CRISPLD1: variants seen among roughly 807,000 people sequenced by gnomAD.
The protein encoded by CRISPLD1 is cysteine-rich secretory protein LCCL domain-containing 1.
A neutral mutation model predicts 77.5 loss-of-function variants in CRISPLD1; 60 were observed. The ratio of observed to expected loss-of-function variants is 0.77; its 90% CI spans 0.63 to 0.96. The LOEUF is 0.96. Ranked by LOEUF, CRISPLD1 falls within the 40% of genes least tolerant of loss-of-function variation. The pLI is 0.00. For synonymous variants in CRISPLD1, 195 were observed against 200.1 expected (o/e 0.97, Z 0.22); for missense variants, 623 against 615.8 (o/e 1.01, Z -0.12).
chr8:75,012,585 A>C (rs12115090), intron 3 of CRISPLD1, 34 bp downstream of exon 3: 454,581 of 1,383,952 alleles, frequency 0.33, 82,273 homozygotes, highest in African/African-American at 0.75. Context: ...TTTATGAAAA[A>C]ATAAGTGTTT....
In CRISPLD1 at chr8:74,990,901, T is replaced by C. The variant is rs551995197; in HGVS notation, c.258+4656T>C. 2.6e-5 allele frequency among the ~76,000 whole-genome samples: 4 copies of C among 152,234 alleles called. No individual in the cohort carries two copies. The South Asian group carries it at 8.3e-4, about 32-fold the overall frequency. On this transcript the variant is annotated intron_variant, in intron 2 of 14. Coordinates refer to ENST00000262207, the MANE Select transcript of CRISPLD1 (RefSeq NM_031461.6). ...TTGTGTAGGTTCTGTCTCAAATGTC[T>C]TTCGAATCCCTCTCTTCTATTTCAT...
chr8:75,011,581 C>T (rs1457732662), intron 2 of CRISPLD1, among the ~76,000 whole-genome samples: 1 of 151,940 alleles, frequency 6.6e-6, no homozygotes, highest in Non-Finnish European at 1.5e-5. Flanking sequence ...GAATACTAAA[C>T]CCAGGACTTG....
intron 12 of CRISPLD1, among the ~76,000 whole-genome samples, chr8:75,021,760 A>G (rs1321862955): frequency 2.0e-5 from 3 of 152,204 alleles, no homozygotes; most frequent in Admixed American, 6.5e-5. Flanking sequence ...TTTATAGAAA[A>G]AAGTAAAGAT....
intron 2 of CRISPLD1, among the ~76,000 whole-genome samples, chr8:75,006,230 T>C (rs1446757940): frequency 6.6e-6 from 1 of 152,190 alleles, no homozygotes; most frequent in Non-Finnish European, 1.5e-5. Flanking sequence ...TTGTGAATTA[T>C]ATCATGGGCC....
intron 6 of CRISPLD1, 99 bp from the exon 7 acceptor site, chr8:75,016,466 T>G: frequency 8.3e-7 from 1 of 1,208,628 alleles, no homozygotes. Context: ...TTTTTCTAGT[T>G]CTAAATGTTA....
chr8:75,015,440 T>C (rs1158194880), intron 6 of CRISPLD1, among the ~76,000 whole-genome samples: 1 of 152,124 alleles, frequency 6.6e-6, no homozygotes, highest in Admixed American at 6.6e-5. Context: ...ATAAAAGTAG[T>C]ACTGTCAAAT....
At position 75,014,004 on chromosome 8, in the gene CRISPLD1, T is replaced by A; in HGVS notation, c.528T>A (p.Ser176Arg). Residue 176 changes from serine (S) to arginine (R), a missense_variant, in exon 5 of 15, where the codon AGT becomes AGA. Ser to Arg is a moderately radical substitution (Grantham distance 110). Transcript: ENST00000262207. ...TAACATAGGTCGTGTGGGCAACTAG[T>A]AACAGAATCGGTTGTGCCATTAATT... ...THYTQVVWATSNRIGCAINLC... is the reference protein window; with the variant it reads ...THYTQVVWATRNRIGCAINLC... 1 of 1,612,856 alleles carries A rather than the reference T, an allele frequency of 6.2e-7. No homozygotes were observed. Among genetic ancestry groups the A allele is most frequent in the Non-Finnish European group, 8.5e-7 (1 of 1,179,126 alleles).
intron 10 of CRISPLD1, 61 bp from the exon 11 acceptor site, chr8:75,019,809 A>G: frequency 7.5e-7 from 1 of 1,337,150 alleles, no homozygotes; most frequent in East Asian, 2.3e-5. Flanking sequence ...AGATACCAGA[A>G]ATGATGCTGC....
rs1224110510 is a variant in CRISPLD1, at chr8:75,033,045, T to C, written c.*803T>C. ...GGCCAGGAAGTATAATAGCAAAAAG[T>C]TGAACAAAGATGAACTAATGTATTA... On this transcript the variant is annotated 3_prime_UTR_variant, in exon 15 of 15. Coordinates refer to ENST00000262207, the MANE Select transcript of CRISPLD1 (RefSeq NM_031461.6). The C allele has an allele frequency of 6.6e-6, 1 of 152,290 alleles. No homozygotes were observed. The highest frequency in any genetic ancestry group is 1.5e-5 in the Non-Finnish European group (1 of 67,818). The allele number at this position is 152,290 out of a possible 1,614,324, so 9.4% of individuals were successfully genotyped here.
At chr8:75,024,948 A>G (rs915145526) in intron 12 of CRISPLD1, among the ~76,000 whole-genome samples, 1 of 152,202 alleles carries the variant, frequency 6.6e-6, no homozygotes, top group Non-Finnish European at 1.5e-5. Flanking sequence ...AAAGAAACAG[A>G]TTTGGGAACT....
intron 2 of CRISPLD1, among the ~76,000 whole-genome samples, chr8:75,001,332 T>A (rs1393496179): frequency 6.6e-6 from 1 of 152,170 alleles, no homozygotes; most frequent in Admixed American, 6.5e-5. Flanking sequence ...CTTTCTGAGT[T>A]GCACTGGGTT....
At position 75,025,565 on chromosome 8, in the gene CRISPLD1, T is replaced by G. The variant is rs1335858654; in HGVS notation, c.1264T>G (p.Cys422Gly). 3.2e-6 allele frequency: 5 copies of G among 1,572,908 alleles called. No individual in the cohort carries two copies. In the South Asian group the frequency reaches 5.6e-5, roughly 18 times the overall value. ...HCPRVYCPRN[C>G]MQANPHYARV... ...TTTCAGAGTATACTGTCCTCGTAAC[T>G]GTATGCAAGCAAATCCACATTATGC... The change falls in exon 13 of 15, where the codon TGT becomes GGT. Residue 422 changes from cysteine (C) to glycine (G), a missense_variant. Cys to Gly is a radical substitution (Grantham distance 159, BLOSUM62 -3). Transcript: ENST00000262207.
intron 2 of CRISPLD1, among the ~76,000 whole-genome samples, chr8:75,004,256 T>C (rs1812792302): frequency 6.6e-6 from 1 of 152,150 alleles, no homozygotes; most frequent in Non-Finnish European, 1.5e-5. Context: ...ATTTTCCCTA[T>C]AACTACAAAG....
chr8:75,006,765 G>T (rs545860508), intron 2 of CRISPLD1, among the ~76,000 whole-genome samples: 1 of 151,808 alleles, frequency 6.6e-6, no homozygotes, highest in Non-Finnish European at 1.5e-5. Flanking sequence ...TGTCATCCTG[G>T]TCTCTGTGGT....
At chr8:74,985,821 A>G in intron 1 of CRISPLD1, 105 bp from the exon 2 acceptor site, 1 of 759,638 alleles carries the variant, frequency 1.3e-6, no homozygotes, top group Non-Finnish European at 2.1e-6. Context: ...TTAAATAGAC[A>G]AATCAAACTG....
At chr8:75,024,092 C>G (rs957996851) in intron 12 of CRISPLD1, among the ~76,000 whole-genome samples, 1 of 152,138 alleles carries the variant, frequency 6.6e-6, no homozygotes, top group African/African-American at 2.4e-5. Context: ...TGCAAAGGCT[C>G]TAAGGCAGAA....
At chr8:75,011,041 C>T (rs1015664359) in intron 2 of CRISPLD1, among the ~76,000 whole-genome samples, 2 of 151,846 alleles carry the variant, frequency 1.3e-5, no homozygotes, top group East Asian at 1.9e-4. Context: ...GTAGTATCAT[C>T]GGTCTTACCT....
At position 75,002,262 on chromosome 8, in the gene CRISPLD1, A is replaced by G. The variant is rs112313359; in HGVS notation, c.259-10171A>G. Reference sequence around the variant, plus strand: ...ATTTTAATTTCTCTCTTACCCATATAAATACCAGCAATGTTCCCAATGTGA... The same window carrying G: ...ATTTTAATTTCTCTCTTACCCATATGAATACCAGCAATGTTCCCAATGTGA... On this transcript the variant is annotated intron_variant, in intron 2 of 14. Transcript: ENST00000262207. Among the ~76,000 whole-genome samples, 11 of 151,082 alleles carry G rather than the reference A, an allele frequency of 7.3e-5. 1 individual carries two copies. The highest frequency in any genetic ancestry group is 2.2e-4 in the African/African-American group (9 of 41,020).
intron 2 of CRISPLD1, among the ~76,000 whole-genome samples, chr8:75,006,302 G>A (rs1325590407): frequency 3.7e-4 from 57 of 152,042 alleles, no homozygotes; most frequent in Admixed American, 3.7e-3. Context: ...ATTCTTTTTG[G>A]CATTTATCTT....
Sources: allele counts gnomAD v4.1 joint callset (sites outside exome capture counted in the v4.1 genomes callset), GRCh38; gene constraint gnomAD v4.1.1; transcripts MANE v1.5; gene names NCBI Gene and HGNC (gene_info 2026-07-23, HGNC 2026-07-21).